ABHD16A: variants seen among roughly 807,000 people sequenced by gnomAD.
The protein encoded by ABHD16A is abhydrolase domain containing 16A, phospholipase.
ABHD16A carries 47 observed loss-of-function variants against 89.8 expected under a neutral mutation model. The ratio of observed to expected loss-of-function variants is 0.52; its 90% CI spans 0.41 to 0.67. ABHD16A has a LOEUF of 0.67. Among genes scored for constraint, ABHD16A ranks in the 30% least tolerant of loss-of-function variants. The pLI, the probability that ABHD16A is intolerant of heterozygous loss-of-function variation, is 0.00. For missense variants in ABHD16A, 580 were observed against 734.6 expected (o/e 0.79, Z 2.43); for synonymous variants, 251 against 280.4 (o/e 0.90, Z 1.05).
At position 31,691,891 on chromosome 6, in the gene ABHD16A, G is replaced by A; in HGVS notation, c.654C>T (p.Arg218=). Residue 218 remains arginine (R), a synonymous_variant, in exon 8 of 20, where the codon CGC becomes CGT. Coordinates refer to ENST00000395952, the MANE Select transcript of ABHD16A (RefSeq NM_021160.3). ...TSYLVAHTLG[R]RMLYPGSVYL... is the part of the protein sequence containing the mutation. ...ACACAGAGCCTGGATACAGCATCCG[G>A]CGCCCTAGGGTGTGCGCCACCAGGT... is the stretch of plus-strand genomic sequence containing the variant. The A allele has an allele frequency of 6.2e-7, 1 of 1,610,314 alleles. No individual in the cohort carries two copies. Among genetic ancestry groups the A allele is most frequent in the Non-Finnish European group, 8.5e-7 (1 of 1,179,312 alleles).
At position 31,703,184 on chromosome 6, in the gene ABHD16A, G is replaced by A; in HGVS notation, c.98C>T (p.Pro33Leu). Residue 33 changes from proline (P) to leucine (L), a missense_variant, in exon 1 of 20, where the codon CCA becomes CTA. Pro to Leu is a moderately conservative substitution (Grantham distance 98, BLOSUM62 -3). Coordinates refer to ENST00000395952, the MANE Select transcript of ABHD16A (RefSeq NM_021160.3). ...ERAPASVPET[P>L]TAVTAPHSSS... ...GGAATGGGGGGCAGTGACTGCCGTT[G>A]GCGTCTCAGGGACGCTGGCCGGGGC... The A allele has an allele frequency of 7.0e-7, 1 of 1,435,142 alleles. No homozygotes were observed. The highest frequency in any genetic ancestry group is 1.5e-5 in the South Asian group (1 of 65,660). The allele number at this position is 1,435,142 out of a possible 1,614,324, so 88.9% of individuals were successfully genotyped here. A position where few individuals can be genotyped will look rare whatever the true frequency, so the allele number is the denominator to read the frequency against.
Position 31,690,678 on chromosome 6 carries a change from C to T in ABHD16A, c.844-76G>A. Reference sequence around the variant, plus strand: ...AACTCCCTTTGGGCAGGGAGGGCAGCCCATGAAGAGCTTTGCAGGGAAGAG... The same window carrying T: ...AACTCCCTTTGGGCAGGGAGGGCAGTCCATGAAGAGCTTTGCAGGGAAGAG... On this transcript the variant is annotated intron_variant, in intron 9 of 19. Coordinates refer to ENST00000395952, the MANE Select transcript of ABHD16A (RefSeq NM_021160.3). This position sits in a 1 kb window ranked among gnomAD's most constrained non-coding sequence, Gnocchi z 4.1. 7.4e-7 allele frequency: 1 copy of T among 1,344,236 alleles called. No homozygotes were observed. Among genetic ancestry groups the T allele is most frequent in the Non-Finnish European group, 1.1e-6 (1 of 936,854 alleles). 83.3% of individuals were successfully genotyped at this position (1,344,236 alleles called of 1,614,324 possible). A position where few individuals can be genotyped will look rare whatever the true frequency, so the allele number is the denominator to read the frequency against.
chr6:31,697,112 T>A (rs1422049575), intron 4 of ABHD16A, 79 bp from the exon 5 acceptor site: 1 of 1,338,986 alleles, frequency 7.5e-7, no homozygotes, highest in African/African-American at 1.5e-5. Context: ...GAATTGGAGA[T>A]GGGCTAGAAG....
At chr6:31,702,610 A>C in intron 1 of ABHD16A, 1 of 1,480,582 alleles carries the variant, frequency 6.8e-7, no homozygotes, top group South Asian at 1.4e-5. Context: ...AGAACAGCCT[A>C]CCACCACCCG....
Position 31,688,067 on chromosome 6 carries a change from G to T in ABHD16A, c.1344C>A (p.Asp448Glu). 6.2e-7 allele frequency: 1 copy of T among 1,613,198 alleles called. No homozygotes were observed. Among genetic ancestry groups the T allele is most frequent in the African/African-American group, 1.3e-5 (1 of 75,016 alleles). Reference protein sequence around the residue: ...PEDIMSNRGNDLLLKLLQHRY... With the variant: ...PEDIMSNRGNELLLKLLQHRY... ...GATGCTGCAGGAGCTTCAGCAGGAG[G>T]TCATTGCCTCGGTTGGACATGATGT... Residue 448 changes from aspartate (D) to glutamate (E), a missense_variant, in exon 16 of 20, where the codon GAC becomes GAA. Asp to Glu is a conservative substitution (Grantham distance 45, BLOSUM62 2). Around this residue, in one of 2 missense-constraint regions of ABHD16A, gnomAD observed 415 missense variants for 568.8 expected, o/e 0.73. Coordinates refer to ENST00000395952, the MANE Select transcript of ABHD16A (RefSeq NM_021160.3). This position sits in a 1 kb window ranked among gnomAD's most constrained non-coding sequence, Gnocchi z 4.9.
chr6:31,694,208 A>G (rs1192432291), intron 5 of ABHD16A, among the ~76,000 whole-genome samples: 1 of 151,884 alleles, frequency 6.6e-6, no homozygotes, highest in East Asian at 1.9e-4. Context: ...GACATGTGCT[A>G]CCATGCCCAG....
At chr6:31,701,862 G>T (rs1192513003) in intron 2 of ABHD16A, among the ~76,000 whole-genome samples, 2 of 152,152 alleles carry the variant, frequency 1.3e-5, no homozygotes, top group Non-Finnish European at 2.9e-5. Flanking sequence ...GGCTCAGGTT[G>T]CCCCCAGAGA....
chr6:31,702,176 T>A, intron 1 of ABHD16A, 46 bp from the exon 2 acceptor site: 1 of 1,579,674 alleles, frequency 6.3e-7, no homozygotes, highest in Non-Finnish European at 8.7e-7. Context: ...CACTGGCAGG[T>A]CCTTTCCCTT....
Position 31,701,440 on chromosome 6 carries a change from AG to A in ABHD16A, c.190-101del. On this transcript the variant is annotated intron_variant, in intron 2 of 19. Coordinates refer to ENST00000395952, the MANE Select transcript of ABHD16A (RefSeq NM_021160.3). The stretch of plus-strand genomic sequence containing the variant: ...CACTCTGAGCAAGATGGACAACCTG[AG>A]GGATATCATATCATATTTGGTGTAT... 3 of 963,950 alleles carry A rather than the reference AG, an allele frequency of 3.1e-6. No homozygotes were observed. In the South Asian group the frequency reaches 4.2e-5, roughly 14 times the overall value. The allele number at this position is 963,950 out of a possible 1,614,324, so 59.7% of individuals were successfully genotyped here.
At chr6:31,692,006 T>C in intron 7 of ABHD16A, 88 bp from the exon 8 acceptor site, 1 of 1,001,628 alleles carries the variant, frequency 1.0e-6, no homozygotes, top group Non-Finnish European at 1.4e-6. Context: ...ACTCACAGAC[T>C]GTAAGGCCTG....
rs1472702054 is a variant in ABHD16A, at chr6:31,693,581, T to C, written c.430-149A>G. ...GGTCAATACCCTCCCAATTCTCAGATGGAAAATTCTAACAGGACCAGAAAA... is the reference window on the plus strand; with the variant it reads ...GGTCAATACCCTCCCAATTCTCAGACGGAAAATTCTAACAGGACCAGAAAA... On this transcript the variant is annotated intron_variant, in intron 5 of 19. Coordinates refer to ENST00000395952, the MANE Select transcript of ABHD16A (RefSeq NM_021160.3). This position sits in a 1 kb window ranked among gnomAD's most constrained non-coding sequence, Gnocchi z 5.0. 3 of 722,190 alleles carry C rather than the reference T, an allele frequency of 4.2e-6. No individual in the cohort carries two copies. The highest frequency in any genetic ancestry group is 1.8e-5 in the African/African-American group (1 of 56,808). The allele number at this position is 722,190 out of a possible 1,614,324, so 44.7% of individuals were successfully genotyped here.
At position 31,690,147 on chromosome 6, in the gene ABHD16A, G is replaced by A. The variant is rs805283; in HGVS notation, c.908-20C>T. ...ATCCAGCTGTAACACAGGGGGAGGA[G>A]GGACTGAGACCTTGTGGCCCACAGC... On this transcript the variant is annotated intron_variant, in intron 10 of 19. Coordinates refer to ENST00000395952, the MANE Select transcript of ABHD16A (RefSeq NM_021160.3). The surrounding 1 kb of genome is among the most constrained non-coding windows in gnomAD (Gnocchi z 4.1). 70,915 of 1,580,098 alleles carry A rather than the reference G, an allele frequency of 0.045. 3,122 individuals are homozygous for A. The highest frequency in any genetic ancestry group is 0.2 in the African/African-American group (15,028 of 73,712).
intron 7 of ABHD16A, among the ~76,000 whole-genome samples, chr6:31,692,574 T>G (rs1583686097): frequency 6.6e-6 from 1 of 152,188 alleles, no homozygotes; most frequent in African/African-American, 2.4e-5. Context: ...TCAGAACATG[T>G]TACCTTACTT....
In ABHD16A at chr6:31,697,279, A is replaced by G. The variant is rs6938789; in HGVS notation, c.344-246T>C. ...GTTTGTGTCTTTATAGACAATCCTT[A>G]ACCTACCATCTTCCAGAATGTTCCT... On this transcript the variant is annotated intron_variant, in intron 4 of 19. Transcript: ENST00000395952. 3.8e-4 allele frequency among the ~76,000 whole-genome samples: 58 copies of G among 152,310 alleles called. 1 individual carries two copies. Among genetic ancestry groups the G allele is most frequent in the African/African-American group, 1.3e-3 (55 of 41,574 alleles).
At position 31,691,604 on chromosome 6, in the gene ABHD16A, G is replaced by A. The variant is rs1457015957; in HGVS notation, c.818C>T (p.Thr273Ile). 6.2e-7 allele frequency: 1 copy of A among 1,612,842 alleles called. No individual in the cohort carries two copies. The highest frequency in any genetic ancestry group is 8.5e-7 in the Non-Finnish European group (1 of 1,180,008). The change falls in exon 9 of 20, where the codon ACA becomes ATA. Residue 273 changes from threonine (T) to isoleucine (I), a missense_variant. By Grantham distance (89) the Thr-to-Ile change is moderately conservative. This residue lies in a region of ABHD16A where 415 missense variants were observed against 568.8 expected (regional missense o/e 0.73). Transcript: ENST00000395952. ...CAGCTTCTGTCCCTGGGGCTCAGCT[G>A]TCCCCCGCCGGTCCACAAACATGGT... is the stretch of plus-strand genomic sequence containing the variant. ...IDTMFVDRRG[T>I]AEPQGQKLVI... is the part of the protein sequence containing the mutation.
At position 31,700,944 on chromosome 6, in the gene ABHD16A, C is replaced by T. The variant is rs756289633; in HGVS notation, c.341G>A (p.Arg114Gln). 7 of 1,613,248 alleles carry T rather than the reference C, an allele frequency of 4.3e-6. No individual in the cohort carries two copies. The highest frequency in any genetic ancestry group is 1.7e-5 in the Admixed American group (1 of 59,992). ...AACCAGGTTTCCTCTCCACCTACCT[C>T]GGAGGCAGGCCACACCTGCCAGAAG... Reference protein sequence around the residue: ...LLLLAGVACLRGIGRWTNPQY... With the variant: ...LLLLAGVACLQGIGRWTNPQY... The change falls in exon 4 of 20, where the codon CGA becomes CAA. Residue 114 changes from arginine (R) to glutamine (Q), a missense_variant and splice_region_variant. Physicochemically the swap from Arg to Gln is conservative, Grantham distance 43. This residue lies in a region of ABHD16A where 165 missense variants were observed against 165.8 expected (regional missense o/e 1.00). Coordinates refer to ENST00000395952, the MANE Select transcript of ABHD16A (RefSeq NM_021160.3).
At chr6:31,696,303 C>G (rs1011607401) in intron 5 of ABHD16A, among the ~76,000 whole-genome samples, 1 of 150,924 alleles carries the variant, frequency 6.6e-6, no homozygotes, top group Non-Finnish European at 1.5e-5. Flanking sequence ...TATACTCCAG[C>G]CTGAGTAAGA....
chr6:31,693,564 C>T lies in ABHD16A; in HGVS notation c.430-132G>A. ...TGGGGAAACCAAGCGGAGGTCAATA[C>T]CCTCCCAATTCTCAGATGGAAAATT... On this transcript the variant is annotated intron_variant, in intron 5 of 19. Transcript: ENST00000395952. This position sits in a 1 kb window ranked among gnomAD's most constrained non-coding sequence, Gnocchi z 5.0. 3.8e-6 allele frequency: 3 copies of T among 784,312 alleles called. No homozygotes were observed. Among genetic ancestry groups the T allele is most frequent in the Non-Finnish European group, 6.3e-6 (3 of 477,180 alleles). The allele number at this position is 784,312 out of a possible 1,614,324, so 48.6% of individuals were successfully genotyped here. A position where few individuals can be genotyped will look rare whatever the true frequency, so the allele number is the denominator to read the frequency against.
In ABHD16A at chr6:31,690,388, A is replaced by G. The variant is rs1224028549; in HGVS notation, c.907+151T>C. 17 of 869,198 alleles carry G rather than the reference A, an allele frequency of 2.0e-5. No homozygotes were observed. Among genetic ancestry groups the G allele is most frequent in the Non-Finnish European group, 3.2e-5 (17 of 536,464 alleles). The allele number at this position is 869,198 out of a possible 1,614,324, so 53.8% of individuals were successfully genotyped here. On this transcript the variant is annotated intron_variant, in intron 10 of 19. Coordinates refer to ENST00000395952, the MANE Select transcript of ABHD16A (RefSeq NM_021160.3). The surrounding 1 kb of genome is among the most constrained non-coding windows in gnomAD (Gnocchi z 4.1). ...GCCAGGGGAGGGATGTAAGGTTATC[A>G]AAGCAAATGGCGAGTGGACTTTTCC... is the stretch of plus-strand genomic sequence containing the variant.
Sources: allele counts gnomAD v4.1 joint callset (sites outside exome capture counted in the v4.1 genomes callset), GRCh38; gene constraint gnomAD v4.1.1; regional missense constraint gnomAD v4.1.1; non-coding constraint Gnocchi (gnomAD v3.1); transcripts MANE v1.5; gene names NCBI Gene and HGNC (gene_info 2026-07-23, HGNC 2026-07-21).